Variants in GRID2 observed in about 807,000 individuals in gnomAD.
GRID2 encodes glutamate ionotropic receptor delta type subunit 2, also known as glutamate receptor ionotropic, delta-2.
In GRID2, 33 loss-of-function variants were observed where a neutral mutation model predicts 114.8. The observed-to-expected ratio is 0.29, with a 90% CI of 0.22 to 0.38. GRID2 has a LOEUF of 0.38. Among genes scored for constraint, GRID2 ranks in the 10% least tolerant of loss-of-function variants. The probability of loss-of-function intolerance (pLI) is 1.00; values close to 1 mark genes in which losing one functional copy is unlikely to be tolerated. For missense variants in GRID2, 1,184 were observed against 1,257.7 expected, an observed-to-expected ratio of 0.94 and a Z score of 0.89; for synonymous variants, 505 against 449.9, an observed-to-expected ratio of 1.12 and a Z score of -1.55.
At chr4:93,278,962 TCCTCTCCTC>T (rs949945524) in intron 8 of GRID2, among the ~76,000 whole-genome samples, 2 of 151,758 alleles carry the variant, frequency 1.3e-5, no homozygotes, top group African/African-American at 4.8e-5. Flanking sequence ...CTCTCTCCTC[TCCTCTCCTC>T]CCTCTCCCTA....
intron 2 of GRID2, among the ~76,000 whole-genome samples, chr4:92,597,088 T>A (rs2149216247): frequency 6.6e-6 from 1 of 152,040 alleles, no homozygotes; most frequent in South Asian, 2.1e-4. Context: ...TATACCAAAT[T>A]TATTTATTTT....
chr4:92,328,649 C>T (rs984894421), intron 1 of GRID2, among the ~76,000 whole-genome samples: 3 of 151,662 alleles, frequency 2.0e-5, no homozygotes, highest in Admixed American at 6.6e-5. Flanking sequence ...ATTTTATGCC[C>T]GTGATCACAA....
chr4:92,449,676 G>GATATAT (rs371209786), intron 1 of GRID2, among the ~76,000 whole-genome samples: 4,041 of 96,550 alleles, frequency 0.042, 147 homozygotes, highest in African/African-American at 0.062. Context: ...TTTTCTTACT[G>GATATAT]ATATATATAT....
intron 1 of GRID2, among the ~76,000 whole-genome samples, chr4:92,543,353 T>C (rs1426266455): frequency 6.6e-6 from 1 of 152,176 alleles, no homozygotes. Flanking sequence ...ATTTTCACTA[T>C]AGCACATAAT....
rs533685073 is a variant in GRID2 at position 92,893,563 on chromosome 4, A to G, written c.245-191432A>G. ...AGCATGATCCCAAAAGTATGCTTCT[A>G]TATTATAACATAGTAGCCCATGTGT... is the stretch of plus-strand genomic sequence containing the variant. On this transcript the variant is annotated intron_variant, in intron 2 of 15. Transcript: ENST00000282020. Among the ~76,000 whole-genome samples the G allele has an allele frequency of 5.3e-5, 8 of 152,234 alleles. No individual in the cohort carries two copies. In the East Asian group the frequency reaches 1.4e-3, roughly 26 times the overall value.
At chr4:92,493,980 A>G (rs1051777559) in intron 1 of GRID2, among the ~76,000 whole-genome samples, 4 of 152,206 alleles carry the variant, frequency 2.6e-5, no homozygotes, top group Non-Finnish European at 5.9e-5. Flanking sequence ...GCAGACAAAG[A>G]CAATTAGTAT....
intron 2 of GRID2, among the ~76,000 whole-genome samples, chr4:93,025,134 G>T (rs1288125391): frequency 6.6e-6 from 1 of 151,228 alleles, no homozygotes. Flanking sequence ...AAGGGAGGGA[G>T]AGAGGTAAAG....
intron 2 of GRID2, among the ~76,000 whole-genome samples, chr4:93,035,787 A>G (rs1012077768): frequency 6.6e-6 from 1 of 152,142 alleles, no homozygotes; most frequent in African/African-American, 2.4e-5. Context: ...CACCACAAAC[A>G]GGTAAGAGAG....
At chr4:92,900,266 C>T (rs894044561) in intron 2 of GRID2, among the ~76,000 whole-genome samples, 1 of 152,058 alleles carries the variant, frequency 6.6e-6, no homozygotes, top group African/African-American at 2.4e-5. Context: ...AACGTTTTAT[C>T]TACTTTTTTG....
At chr4:93,446,510 A>G (rs369826188) in intron 10 of GRID2, among the ~76,000 whole-genome samples, 67 of 152,170 alleles carry the variant, frequency 4.4e-4, no homozygotes, top group African/African-American at 1.6e-3. Context: ...AAATTCAAAT[A>G]CCTAATAGAG....
chr4:93,080,675 T>G (rs1729780321), intron 2 of GRID2, among the ~76,000 whole-genome samples: 1 of 152,172 alleles, frequency 6.6e-6, no homozygotes. Flanking sequence ...ATAGAACCTG[T>G]CATATACATT....
rs567539499 is a variant in GRID2 at position 93,383,188 on chromosome 4, G to A, written c.1246-12419G>A. Among the ~76,000 whole-genome samples the A allele has an allele frequency of 6.6e-5, 10 of 152,268 alleles. No individual in the cohort carries two copies. In the East Asian group the frequency reaches 1.9e-3, roughly 29 times the overall value. ...AATTACTTCAGCCAGAGGGGTAGGG[G>A]TGTGCAACAATGGAGGGGAGGTGCA... is the stretch of plus-strand genomic sequence containing the variant. On this transcript the variant is annotated intron_variant, in intron 8 of 15. Coordinates refer to ENST00000282020, the MANE Select transcript of GRID2 (RefSeq NM_001510.4).
In GRID2 at chr4:93,306,660, G is replaced by A. The variant is rs186085817; in HGVS notation, c.1245+68170G>A. On this transcript the variant is annotated intron_variant, in intron 8 of 15. Coordinates refer to ENST00000282020, the MANE Select transcript of GRID2 (RefSeq NM_001510.4). ...TAGCTGTTCCACGTTTAATAGATGGGGATTATTTACTGTTATTAAAAATAA... is the reference window on the plus strand; with the variant it reads ...TAGCTGTTCCACGTTTAATAGATGGAGATTATTTACTGTTATTAAAAATAA... Among the ~76,000 whole-genome samples the A allele has an allele frequency of 4.2e-3, 643 of 151,940 alleles. 1 individual carries two copies. Among genetic ancestry groups the A allele is most frequent in the Non-Finnish European group, 7.0e-3 (478 of 67,962 alleles).
At chr4:92,809,940 C>A (rs1740590867) in intron 2 of GRID2, among the ~76,000 whole-genome samples, 1 of 151,944 alleles carries the variant, frequency 6.6e-6, no homozygotes, top group African/African-American at 2.4e-5. Flanking sequence ...TGTAGATGTT[C>A]AACAAACGTT....
chr4:92,674,210 C>T (rs538454053), intron 2 of GRID2, among the ~76,000 whole-genome samples: 1 of 152,204 alleles, frequency 6.6e-6, no homozygotes, highest in East Asian at 1.9e-4. Context: ...ATTAACTCTT[C>T]AAATGTTTTT....
intron 15 of GRID2, 54 bp downstream of exon 15, chr4:93,769,504 C>T (rs1733946503): frequency 1.3e-6 from 2 of 1,567,476 alleles, no homozygotes; most frequent in Admixed American, 3.4e-5. Context: ...GGCTGTATTT[C>T]CAGGGAGGAC....
At chr4:93,730,223 G>A (rs1198049490) in intron 14 of GRID2, among the ~76,000 whole-genome samples, 1 of 152,198 alleles carries the variant, frequency 6.6e-6, no homozygotes, top group Admixed American at 6.5e-5. Flanking sequence ...AATCTCTTAG[G>A]AAGAGTAAAA....
At position 92,363,024 on chromosome 4, in the gene GRID2, G is replaced by C. The variant is rs532802632; in HGVS notation, c.88+58280G>C. Among the ~76,000 whole-genome samples, 42 of 151,948 alleles carry C rather than the reference G, an allele frequency of 2.8e-4. 1 individual carries two copies. Among genetic ancestry groups the C allele is most frequent in the Non-Finnish European group, 2.1e-4 (14 of 67,968 alleles). ...GAAGAGAGAGGAGAAAAAAAACTTT[G>C]AGTGACAATTATTTTTAATTTTTAC... On this transcript the variant is annotated intron_variant, in intron 1 of 15. Transcript: ENST00000282020.
intron 7 of GRID2, among the ~76,000 whole-genome samples, chr4:93,233,644 A>G (rs1370935742): frequency 2.0e-5 from 3 of 152,080 alleles, no homozygotes. Context: ...CACCCAGCCG[A>G]CACTGAGGTA....
Sources: gnomAD v4.1 joint callset for allele counts (sites outside exome capture counted in the v4.1 genomes callset) on GRCh38, gnomAD v4.1.1 for gene constraint, MANE v1.5 for transcripts, NCBI Gene and HGNC (gene_info 2026-07-23, HGNC 2026-07-21) for gene names.